Variants in RGSL1 observed in about 807,000 individuals in gnomAD.
RGSL1 encodes regulator of G protein signaling protein-like.
A neutral mutation model predicts 124.7 loss-of-function variants in RGSL1; 97 were observed. The ratio of observed to expected loss-of-function variants is 0.78; its 90% CI spans 0.66 to 0.92. The LOEUF (loss-of-function observed/expected upper bound fraction) is 0.92, where lower values mean the gene tolerates loss of function less well. Ranked by LOEUF, RGSL1 falls within the 40% of genes least tolerant of loss-of-function variation. The probability of loss-of-function intolerance (pLI) is 0.00; values close to 1 mark genes in which losing one functional copy is unlikely to be tolerated. For missense variants in RGSL1, 1,233 were observed against 1,288.4 expected, an observed-to-expected ratio of 0.96 and a Z score of 0.66; for synonymous variants, 424 against 438.1, an observed-to-expected ratio of 0.97 and a Z score of 0.40.
At chr1:182,474,657 C>A in intron 6 of RGSL1, 115 bp downstream of exon 6, 1 of 1,375,424 alleles carries the variant, frequency 7.3e-7, no homozygotes. Context: ...CCACATAAAC[C>A]TTTACATATT....
chr1:182,492,927 C>T, intron 8 of RGSL1, 95 bp from the exon 9 acceptor site: 1 of 835,904 alleles, frequency 1.2e-6, no homozygotes, highest in Non-Finnish European at 2.0e-6. Context: ...CTGCGCCCAG[C>T]ATTTTAAAGG....
upstream of RGSL1, chr1:182,450,074 G>A: frequency 7.0e-7 from 1 of 1,434,766 alleles, no homozygotes; most frequent in Non-Finnish European, 9.6e-7. Flanking sequence ...CTTAGAGAAG[G>A]TGTCATTACG....
At chr1:182,466,349 C>T (rs562147507) in intron 4 of RGSL1, among the ~76,000 whole-genome samples, 1 of 152,172 alleles carries the variant, frequency 6.6e-6, no homozygotes, top group African/African-American at 2.4e-5. Flanking sequence ...AAATAAGAGA[C>T]ATCTTAATTG....
chr1:182,509,539 G>C (rs1473147991), intron 9 of RGSL1, among the ~76,000 whole-genome samples: 3 of 110,280 alleles, frequency 2.7e-5, no homozygotes, highest in African/African-American at 3.9e-5. Context: ...CGGGTGGGGG[G>C]GCTGACGCCC....
intron 9 of RGSL1, among the ~76,000 whole-genome samples, chr1:182,512,816 G>T (rs1438168281): frequency 6.6e-6 from 1 of 152,162 alleles, no homozygotes. Flanking sequence ...GTGGGGAGAT[G>T]ATCTTCCCCT....
intron 8 of RGSL1, among the ~76,000 whole-genome samples, chr1:182,491,650 CT>C (rs1017460528): frequency 3.9e-5 from 6 of 152,032 alleles, no homozygotes; most frequent in Non-Finnish European, 8.8e-5. Flanking sequence ...GCTCTTAACA[CT>C]TTTGGTCAAG....
At chr1:182,450,412 G>C (rs1214652942) in intron 1 of RGSL1, 1 of 575,528 alleles carries the variant, frequency 1.7e-6, no homozygotes, top group Non-Finnish European at 3.1e-6. Context: ...AAGGCAAGAG[G>C]GAGGAAGTAA....
chr1:182,558,740 C>T (rs1169495980), intron 21 of RGSL1, among the ~76,000 whole-genome samples: 1 of 152,178 alleles, frequency 6.6e-6, no homozygotes, highest in Non-Finnish European at 1.5e-5. Flanking sequence ...TCTCCTGCCT[C>T]TTCTTCTATC....
intron 18 of RGSL1, among the ~76,000 whole-genome samples, chr1:182,552,137 G>A (rs28545478): frequency 0.14 from 21,468 of 151,290 alleles, 1,947 homozygotes; most frequent in Middle Eastern, 0.24. Flanking sequence ...TTTTTGAGAG[G>A]CAGTCTCGCT....
At chr1:182,529,869 T>C (rs530323860) in intron 11 of RGSL1, among the ~76,000 whole-genome samples, 7 of 152,152 alleles carry the variant, frequency 4.6e-5, no homozygotes, top group Non-Finnish European at 8.8e-5. Flanking sequence ...ACAATACTTA[T>C]CTGGAATCTT....
At chr1:182,527,858 C>T in intron 11 of RGSL1, 86 bp downstream of exon 11, 1 of 1,167,156 alleles carries the variant, frequency 8.6e-7, no homozygotes, top group Non-Finnish European at 1.2e-6. Context: ...TCATGTGAGC[C>T]CCCAGAGAGA....
chr1:182,477,529 C>T lies in RGSL1; in HGVS notation c.1431+2987C>T, dbSNP rs557421737. 1.5e-4 allele frequency among the ~76,000 whole-genome samples: 23 copies of T among 152,276 alleles called. No individual in the cohort carries two copies. The South Asian group carries it at 4.8e-3, about 32-fold the overall frequency. ...TCCTGATGACAGACTCTGAGGCAGC[C>T]CTGTCCACCCATGGACCTAGAGACA... On this transcript the variant is annotated intron_variant, in intron 6 of 21. Coordinates refer to ENST00000294854, the MANE Select transcript of RGSL1 (RefSeq NM_001137669.2).
upstream of RGSL1, chr1:182,450,054 T>C (rs1370738978): frequency 7.7e-7 from 1 of 1,292,268 alleles, no homozygotes. Context: ...CCAGATAGAA[T>C]CTGGAACCCC....
chr1:182,487,390 G>C (rs1032014354), intron 6 of RGSL1, among the ~76,000 whole-genome samples: 2 of 152,076 alleles, frequency 1.3e-5, no homozygotes, highest in African/African-American at 4.8e-5. Flanking sequence ...CCCCATCCCT[G>C]GGCTCTTCAC....
chr1:182,544,855 TC>T (rs1241792760), intron 15 of RGSL1, among the ~76,000 whole-genome samples: 2 of 152,102 alleles, frequency 1.3e-5, no homozygotes, highest in African/African-American at 4.8e-5. Context: ...TCTTTTTCCA[TC>T]CCTTCACTTT....
At chr1:182,455,512 G>A (rs1199872640) in intron 2 of RGSL1, among the ~76,000 whole-genome samples, 1 of 152,104 alleles carries the variant, frequency 6.6e-6, no homozygotes, top group Non-Finnish European at 1.5e-5. Flanking sequence ...AGCCCAGGAG[G>A]CGGAGGTTGC....
chr1:182,486,203 T>C (rs1655083791), intron 6 of RGSL1, among the ~76,000 whole-genome samples: 1 of 152,204 alleles, frequency 6.6e-6, no homozygotes, highest in Admixed American at 6.5e-5. Context: ...TTCATGACTA[T>C]TATTTTAATG....
At chr1:182,522,247 C>T (rs923035275) in intron 10 of RGSL1, 138 bp downstream of exon 10, 1 of 654,790 alleles carries the variant, frequency 1.5e-6, no homozygotes, top group Non-Finnish European at 2.7e-6. Context: ...CAGGTACAGA[C>T]ACTCTTAGTA....
chr1:182,448,204 T>A (rs987497433), upstream of RGSL1: 2 of 78,396 alleles, frequency 2.6e-5, no homozygotes, highest in African/African-American at 1.0e-4. Context: ...ATTTATTTGT[T>A]TGTTTGTTTG....
Sources: allele counts gnomAD v4.1 joint callset (sites outside exome capture counted in the v4.1 genomes callset), GRCh38; gene constraint gnomAD v4.1.1; transcripts MANE v1.5; gene names NCBI Gene and HGNC (gene_info 2026-07-23, HGNC 2026-07-21).